The following PRKCE variants were observed in gnomAD, a reference collection of about 807,000 sequenced individuals.
PRKCE encodes protein kinase C epsilon type.
A neutral mutation model predicts 85.4 loss-of-function variants in PRKCE; 16 were observed. The observed-to-expected ratio is 0.19, with a 90% confidence interval of 0.13 to 0.28. PRKCE has a LOEUF of 0.28. Ranked by LOEUF, PRKCE falls within the 10% of genes least tolerant of loss-of-function variation. PRKCE has a pLI of 1.00. For missense variants in PRKCE, 573 were observed against 975.2 expected (o/e 0.59, Z 5.49); for synonymous variants, 388 against 371.5 (o/e 1.04, Z -0.51).
intron 1 of PRKCE, among the ~76,000 whole-genome samples, chr2:45,785,663 T>A (rs1320494199): frequency 6.6e-6 from 1 of 152,178 alleles, no homozygotes; most frequent in Non-Finnish European, 1.5e-5. Flanking sequence ...TTCTTCTGAC[T>A]GGGCATCACT....
chr2:45,870,513 T>A (rs189149435), intron 2 of PRKCE, among the ~76,000 whole-genome samples: 4 of 152,348 alleles, frequency 2.6e-5, no homozygotes, highest in African/African-American at 9.6e-5. Context: ...AGAATTCACA[T>A]TCAGGGGTTT....
intron 2 of PRKCE, among the ~76,000 whole-genome samples, chr2:45,844,315 A>G (rs931782601): frequency 6.6e-6 from 1 of 152,156 alleles, no homozygotes; most frequent in African/African-American, 2.4e-5. Context: ...GGTTGCTTAC[A>G]TTTCCTGCTC....
At chr2:45,913,590 C>T (rs191441943) in intron 2 of PRKCE, among the ~76,000 whole-genome samples, 6 of 152,344 alleles carry the variant, frequency 3.9e-5, no homozygotes, top group East Asian at 3.9e-4. Context: ...CAAGTCTTGT[C>T]GCCTGGCCTG....
At chr2:45,754,269 A>T (rs1308687726) in intron 1 of PRKCE, among the ~76,000 whole-genome samples, 1 of 152,180 alleles carries the variant, frequency 6.6e-6, no homozygotes, top group African/African-American at 2.4e-5. Context: ...ATTTTCTTTC[A>T]TCTGAAGAGG....
chr2:46,025,315 C>T (rs1707016915), intron 10 of PRKCE, among the ~76,000 whole-genome samples: 1 of 152,168 alleles, frequency 6.6e-6, no homozygotes, highest in Non-Finnish European at 1.5e-5. Flanking sequence ...ACACCCCCAG[C>T]CAGGGACGAA....
At chr2:45,961,305 CCTGA>C (rs752279406) in intron 2 of PRKCE, among the ~76,000 whole-genome samples, 3 of 152,178 alleles carry the variant, frequency 2.0e-5, no homozygotes, top group Non-Finnish European at 2.9e-5. Context: ...CAATGTTTAC[CCTGA>C]CTTTCTCCTG....
At chr2:45,692,726 CACA>C (rs1677833876) in intron 1 of PRKCE, among the ~76,000 whole-genome samples, 1 of 151,554 alleles carries the variant, frequency 6.6e-6, no homozygotes, top group African/African-American at 2.4e-5. Context: ...CACACACACA[CACA>C]CCCATGCACA....
intron 2 of PRKCE, among the ~76,000 whole-genome samples, chr2:45,931,984 T>C (rs1438680672): frequency 1.3e-5 from 2 of 152,186 alleles, no homozygotes; most frequent in East Asian, 1.9e-4. Context: ...CCCCAAGTGC[T>C]GGGATTACAG....
At chr2:45,787,680 A>T (rs537299680) in intron 1 of PRKCE, among the ~76,000 whole-genome samples, 3 of 152,338 alleles carry the variant, frequency 2.0e-5, no homozygotes, top group Admixed American at 6.5e-5. Context: ...GAGGGGAAAG[A>T]TATTGAAAAC....
intron 1 of PRKCE, among the ~76,000 whole-genome samples, chr2:45,826,879 C>A (rs941508940): frequency 6.6e-6 from 1 of 152,216 alleles, no homozygotes; most frequent in African/African-American, 2.4e-5. Context: ...TTCCCATCAC[C>A]TCCACTACCA....
At chr2:45,942,864 T>G (rs1445835424) in intron 2 of PRKCE, among the ~76,000 whole-genome samples, 1 of 152,220 alleles carries the variant, frequency 6.6e-6, no homozygotes, top group East Asian at 1.9e-4. Flanking sequence ...TAAACATCAG[T>G]GGAAATATGC....
intron 14 of PRKCE, among the ~76,000 whole-genome samples, chr2:46,165,735 G>A (rs764300170): frequency 3.3e-5 from 5 of 152,152 alleles, no homozygotes; most frequent in African/African-American, 2.4e-5. Flanking sequence ...TGGCTTCTCC[G>A]CTGTGTACCC....
chr2:45,716,296 C>T (rs1056637624), intron 1 of PRKCE, among the ~76,000 whole-genome samples: 1 of 152,180 alleles, frequency 6.6e-6, no homozygotes, highest in East Asian at 1.9e-4. Flanking sequence ...GTGGGCAGAT[C>T]ACTTGAGGTC....
chr2:45,794,845 A>AAC (rs1687296127), intron 1 of PRKCE, among the ~76,000 whole-genome samples: 4 of 122,566 alleles, frequency 3.3e-5, no homozygotes, highest in East Asian at 2.6e-4. Context: ...TTATTGCCCT[A>AAC]CCCCCCCCCC....
At chr2:45,976,633 C>T in intron 3 of PRKCE, 45 bp downstream of exon 3, 1 of 1,582,954 alleles carries the variant, frequency 6.3e-7, no homozygotes, top group South Asian at 1.1e-5. Context: ...ATCTCTGTTA[C>T]AAGATGTCGG....
intron 10 of PRKCE, among the ~76,000 whole-genome samples, chr2:46,020,543 G>A (rs917417508): frequency 7.2e-5 from 11 of 152,108 alleles, no homozygotes; most frequent in African/African-American, 2.7e-4. Context: ...ATGGAATTTT[G>A]GAAGCAGATT....
At chr2:45,695,073 C>T (rs1263064083) in intron 1 of PRKCE, among the ~76,000 whole-genome samples, 1 of 152,182 alleles carries the variant, frequency 6.6e-6, no homozygotes, top group Non-Finnish European at 1.5e-5. Context: ...GTTCCTTCTC[C>T]CTGTTTTTCC....
intron 1 of PRKCE, among the ~76,000 whole-genome samples, chr2:45,691,491 AG>A: frequency 6.6e-6 from 1 of 152,350 alleles, no homozygotes; most frequent in South Asian, 2.1e-4. Flanking sequence ...TGCAAGAAAG[AG>A]AAAAGAGAAT....
At chr2:46,065,973 G>C (rs1438749100) in intron 10 of PRKCE, among the ~76,000 whole-genome samples, 1 of 152,210 alleles carries the variant, frequency 6.6e-6, no homozygotes, top group Non-Finnish European at 1.5e-5. Flanking sequence ...TTCTGAGACT[G>C]TATTGGTCCC....
Sources: allele counts gnomAD v4.1 joint callset (sites outside exome capture counted in the v4.1 genomes callset), GRCh38; gene constraint gnomAD v4.1.1; transcripts MANE v1.5; gene names NCBI Gene and HGNC (gene_info 2026-07-23, HGNC 2026-07-21).